Variants in DDX6 observed in about 807,000 individuals in gnomAD.
The protein encoded by DDX6 is probable ATP-dependent RNA helicase DDX6.
DDX6 carries 7 observed loss-of-function variants against 60.6 expected under a neutral mutation model. The observed-to-expected ratio is 0.12, with a 90% CI of 0.07 to 0.22. The LOEUF (loss-of-function observed/expected upper bound fraction) is 0.22, where lower values mean the gene tolerates loss of function less well. Ranked by LOEUF, DDX6 falls within the 10% of genes least tolerant of loss-of-function variation. DDX6 has a pLI of 1.00. For missense variants in DDX6, 270 were observed against 589.9 expected, an observed-to-expected ratio of 0.46 and a Z score of 5.62; for synonymous variants, 207 against 201.0, an observed-to-expected ratio of 1.03 and a Z score of -0.25.
intron 12 of DDX6, 53 bp from the exon 13 acceptor site, chr11:118,754,940 G>A: frequency 1.3e-6 from 2 of 1,485,194 alleles, no homozygotes; most frequent in Non-Finnish European, 1.8e-6. Flanking sequence ...AAATCAATGT[G>A]AATTGTGCAA....
chr11:118,757,595 A>AT (rs150666999), intron 9 of DDX6, among the ~76,000 whole-genome samples: 25,909 of 149,614 alleles, frequency 0.17, 2,428 homozygotes, highest in South Asian at 0.29. Flanking sequence ...ATTTTATTTT[A>AT]TTTTTTTTTT....
chr11:118,759,303 C>A (rs192211556), intron 8 of DDX6: 3 of 158,692 alleles, frequency 1.9e-5, no homozygotes, highest in Non-Finnish European at 4.2e-5. Context: ...TGTGATCTGC[C>A]CGCCTCGGCC....
Position 118,780,279 on chromosome 11 carries a change from T to TA in DDX6, c.265-544dup, listed in dbSNP as rs1226070164. ...TCCCTGCTTTGACACACAAGCTTTT[T>TA]AAAAAACTATGTTTTGGGGAAAGAG... is the stretch of plus-strand genomic sequence containing the variant. On this transcript the variant is annotated intron_variant, in intron 3 of 13. Transcript: ENST00000534980. 9.9e-5 allele frequency among the ~76,000 whole-genome samples: 15 copies of TA among 152,230 alleles called. No homozygotes were observed. The South Asian group carries it at 2.3e-3, about 23-fold the overall frequency.
In DDX6 at chr11:118,786,075, T is replaced by G. The variant is rs1565580843; in HGVS notation, c.177A>C (p.Ala59=). ...NTINNGTQQQ[A]QSMTTTIKPG... Reference sequence around the variant, plus strand: ...ACTTAATAGTGGTGGTCATACTCTGTGCTTGCTGCTGAGTGCCATTATTGA... The same window carrying G: ...ACTTAATAGTGGTGGTCATACTCTGGGCTTGCTGCTGAGTGCCATTATTGA... The change falls in exon 2 of 14, where the codon GCA becomes GCC. Residue 59 remains alanine (A), a synonymous_variant. Coordinates refer to ENST00000534980, the MANE Select transcript of DDX6 (RefSeq NM_004397.6). 3 of 1,614,006 alleles carry G rather than the reference T, an allele frequency of 1.9e-6. No individual in the cohort carries two copies. The highest frequency in any genetic ancestry group is 2.5e-6 in the Non-Finnish European group (3 of 1,179,872).
chr11:118,785,756 C>T (rs1244289335), intron 2 of DDX6: 2 of 238,318 alleles, frequency 8.4e-6, no homozygotes, highest in East Asian at 1.7e-4. Context: ...TATTCATTTA[C>T]AACAAACTAA....
At chr11:118,770,473 G>C (rs1163943205) in intron 4 of DDX6, among the ~76,000 whole-genome samples, 2 of 152,078 alleles carry the variant, frequency 1.3e-5, no homozygotes, top group Non-Finnish European at 2.9e-5. Flanking sequence ...TGGTAGAAAT[G>C]ACTAAATAAG....
intron 4 of DDX6, among the ~76,000 whole-genome samples, chr11:118,772,890 T>C (rs1667380112): frequency 6.6e-6 from 1 of 152,198 alleles, no homozygotes; most frequent in African/African-American, 2.4e-5. Flanking sequence ...ACCAATTTTC[T>C]AAGCCAAGTG....
chr11:118,766,210 T>A (rs1861349086), intron 5 of DDX6, among the ~76,000 whole-genome samples: 2 of 151,948 alleles, frequency 1.3e-5, no homozygotes, highest in South Asian at 4.2e-4. Context: ...GAGGATCGTT[T>A]GAGCTCAGGA....
At chr11:118,789,498 A>T (rs541498144) in intron 1 of DDX6, 1 of 152,266 alleles carries the variant, frequency 6.6e-6, no homozygotes, top group East Asian at 1.9e-4. Flanking sequence ...TTATGAAGAA[A>T]ATGCTCCTTG....
intron 2 of DDX6, among the ~76,000 whole-genome samples, chr11:118,782,243 G>A (rs575926911): frequency 6.6e-6 from 1 of 152,162 alleles, no homozygotes; most frequent in Non-Finnish European, 1.5e-5. Context: ...ACTCAGCACA[G>A]TGCCTGGCAA....
intron 4 of DDX6, 84 bp downstream of exon 4, chr11:118,779,548 C>G: frequency 1.2e-6 from 1 of 825,376 alleles, no homozygotes; most frequent in Non-Finnish European, 1.9e-6. Flanking sequence ...TGTTAGTTCA[C>G]TGTATCACTT....
chr11:118,759,911 T>G lies in DDX6; in HGVS notation c.864+11A>C. Reference sequence around the variant, plus strand: ...GGATGGCACTGATTCCAAGTACAGATTTATACTCACCATGAACTTCTGTAC... The same window carrying G: ...GGATGGCACTGATTCCAAGTACAGAGTTATACTCACCATGAACTTCTGTAC... On this transcript the variant is annotated intron_variant, in intron 8 of 13. Coordinates refer to ENST00000534980, the MANE Select transcript of DDX6 (RefSeq NM_004397.6). 1.9e-6 allele frequency: 3 copies of G among 1,611,800 alleles called. No individual in the cohort carries two copies. The highest frequency in any genetic ancestry group is 2.5e-6 in the Non-Finnish European group (3 of 1,179,324).
At position 118,749,283 on chromosome 11, in the gene DDX6, A is replaced by G. The variant is rs898429091; in HGVS notation, c.*2822T>C. On this transcript the variant is annotated 3_prime_UTR_variant, in exon 14 of 14. Coordinates refer to ENST00000534980, the MANE Select transcript of DDX6 (RefSeq NM_004397.6). ...ATATTATCATTACTTAAAAAAATAC[A>G]TATTTAATATTGGAAAGAATGTGAA... is the stretch of plus-strand genomic sequence containing the variant. 6.7e-6 allele frequency: 1 copy of G among 148,642 alleles called. No individual in the cohort carries two copies. The highest frequency in any genetic ancestry group is 1.5e-5 in the Non-Finnish European group (1 of 67,184). 9.2% of individuals were successfully genotyped at this position (148,642 alleles called of 1,614,324 possible).
chr11:118,785,695 G>C (rs1374953821), intron 2 of DDX6: 2 of 163,026 alleles, frequency 1.2e-5, no homozygotes, highest in African/African-American at 4.8e-5. Flanking sequence ...ACTAGGGTAA[G>C]GTGCAGTCGT....
chr11:118,781,250 C>A, intron 2 of DDX6, 66 bp from the exon 3 acceptor site: 3 of 992,836 alleles, frequency 3.0e-6, no homozygotes, highest in Admixed American at 2.2e-5. Flanking sequence ...TGATTCATCT[C>A]AATTATAATT....
chr11:118,763,896 A>G (rs142053127), intron 6 of DDX6, among the ~76,000 whole-genome samples: 155 of 152,148 alleles, frequency 1.0e-3, no homozygotes, highest in Middle Eastern at 3.4e-3. Context: ...AGAGGTGGAA[A>G]TAACACAAAA....
intron 2 of DDX6, among the ~76,000 whole-genome samples, chr11:118,783,355 C>A (rs902669101): frequency 1.3e-5 from 2 of 152,190 alleles, no homozygotes; most frequent in African/African-American, 4.8e-5. Flanking sequence ...TAGCTCACTG[C>A]AGCCTTTATT....
chr11:118,757,640 G>A (rs982619307), intron 9 of DDX6, among the ~76,000 whole-genome samples: 1 of 151,842 alleles, frequency 6.6e-6, no homozygotes, highest in Non-Finnish European at 1.5e-5. Context: ...GTCCAGGCTG[G>A]AGTGCAATGG....
chr11:118,776,821 G>A (rs1262696283), intron 4 of DDX6, among the ~76,000 whole-genome samples: 1 of 150,024 alleles, frequency 6.7e-6, no homozygotes, highest in Non-Finnish European at 1.5e-5. Context: ...AACAGAGTAA[G>A]GCTCTGTCTC....
Sources: allele counts gnomAD v4.1 joint callset (sites outside exome capture counted in the v4.1 genomes callset), GRCh38; gene constraint gnomAD v4.1.1; transcripts MANE v1.5; gene names NCBI Gene and HGNC (gene_info 2026-07-23, HGNC 2026-07-21).